Variants in GNG7 observed in about 807,000 individuals in gnomAD.
The protein encoded by GNG7 is G protein subunit gamma 7.
Under a neutral mutation model 4.0 loss-of-function variants are expected in GNG7, and 1 was observed. The observed-to-expected ratio is 0.25, with a 90% CI of 0.09 to 1.18. The LOEUF (loss-of-function observed/expected upper bound fraction) is 1.18. Ranked by LOEUF, GNG7 falls within the 50% of genes most tolerant of loss-of-function variation. The probability of loss-of-function intolerance (pLI) is 0.50; values close to 1 mark genes in which losing one functional copy is unlikely to be tolerated. For missense variants in GNG7, 86 were observed against 91.9 expected (o/e 0.94, Z 0.26); for synonymous variants, 34 against 36.9 (o/e 0.92, Z 0.29).
intron 1 of GNG7, among the ~76,000 whole-genome samples, chr19:2,689,844 C>T (rs185624683): frequency 5.0e-4 from 76 of 152,062 alleles, no homozygotes; most frequent in African/African-American, 1.8e-3. Context: ...CACGCTTTTT[C>T]GGTAAGAGTC....
At chr19:2,526,160 C>A (rs1278850626) in intron 3 of GNG7, among the ~76,000 whole-genome samples, 2 of 151,762 alleles carry the variant, frequency 1.3e-5, no homozygotes, top group African/African-American at 4.8e-5. Flanking sequence ...TTAGTAGATA[C>A]GGGGTTTCAC....
chr19:2,605,308 C>T (rs1981343595), intron 2 of GNG7, among the ~76,000 whole-genome samples: 1 of 152,112 alleles, frequency 6.6e-6, no homozygotes, highest in Admixed American at 6.6e-5. Context: ...AAGTGATTCT[C>T]CTGCCTCAGC....
chr19:2,657,328 C>T (rs559850618), intron 1 of GNG7, among the ~76,000 whole-genome samples: 3 of 78,562 alleles, frequency 3.8e-5, no homozygotes, highest in African/African-American at 5.3e-5. Flanking sequence ...AGCAAGACCC[C>T]GTCTCAATTA....
At chr19:2,636,208 C>T (rs1599433276) in intron 2 of GNG7, among the ~76,000 whole-genome samples, 1 of 152,300 alleles carries the variant, frequency 6.6e-6, no homozygotes, top group African/African-American at 2.4e-5. Flanking sequence ...TCTCTCCCTC[C>T]CACTCAGGGG....
intron 3 of GNG7, among the ~76,000 whole-genome samples, chr19:2,549,711 T>TACCAGGC (rs144175856): frequency 0.1 from 15,587 of 152,008 alleles, 862 homozygotes; most frequent in East Asian, 0.21. Context: ...CCGCTGCAGC[T>TACCAGGC]ACCAGGCACC....
chr19:2,633,487 G>GCGCGCGCACACACACACA lies in GNG7; in HGVS notation c.-78+12736_-78+12737insTGTGTGTGTGTGCGCGCG, dbSNP rs1250581952. Among the ~76,000 whole-genome samples, 1 of 103,776 alleles carries GCGCGCGCACACACACACA rather than the reference G, an allele frequency of 9.6e-6. No individual in the cohort carries two copies. Among genetic ancestry groups the GCGCGCGCACACACACACA allele is most frequent in the African/African-American group, 3.9e-5 (1 of 25,476 alleles). 68.1% of individuals were successfully genotyped at this position (103,776 alleles called of 152,430 possible). ...TAGCAACAGGCGCGCGCGCGCGCGC[G>GCGCGCGCACACACACACA]CACACACACACACACACACACACAC... On this transcript the variant is annotated intron_variant, in intron 2 of 4. Transcript: ENST00000382159. The surrounding 1 kb of genome is among the most constrained non-coding windows in gnomAD (Gnocchi z 5.9).
intron 2 of GNG7, among the ~76,000 whole-genome samples, chr19:2,602,617 G>A (rs574527468): frequency 1.3e-5 from 2 of 152,254 alleles, no homozygotes; most frequent in Non-Finnish European, 2.9e-5. Flanking sequence ...CCCGGAGCAC[G>A]AACCACTACG....
intron 3 of GNG7, among the ~76,000 whole-genome samples, chr19:2,550,713 C>G (rs80195715): frequency 1.3e-5 from 2 of 152,188 alleles, no homozygotes; most frequent in Non-Finnish European, 2.9e-5. Context: ...GGCCAGCCCC[C>G]GGGCCTTGCC....
At chr19:2,661,306 A>AAG in intron 1 of GNG7, among the ~76,000 whole-genome samples, 1 of 132,508 alleles carries the variant, frequency 7.5e-6, no homozygotes, top group African/African-American at 3.0e-5. Flanking sequence ...AAGAAAGAGA[A>AAG]AGAAAGAAAG....
chr19:2,532,268 TA>T (rs1475310881), intron 3 of GNG7, among the ~76,000 whole-genome samples: 1 of 151,540 alleles, frequency 6.6e-6, no homozygotes, highest in Non-Finnish European at 1.5e-5. Context: ...TTCAAAGAGA[TA>T]AAAAGATGAG....
At chr19:2,591,579 T>C (rs1980852777) in intron 2 of GNG7, among the ~76,000 whole-genome samples, 1 of 151,614 alleles carries the variant, frequency 6.6e-6, no homozygotes, top group Admixed American at 6.6e-5. Flanking sequence ...GGGGAAAGTC[T>C]ATCCCAAGGC....
At chr19:2,538,121 G>A (rs1163001414) in intron 3 of GNG7, 3 of 455,256 alleles carry the variant, frequency 6.6e-6, no homozygotes, top group Non-Finnish European at 8.8e-6. Context: ...TGAATGGAGA[G>A]GAGAAAAGCT....
At chr19:2,591,536 T>C (rs998688204) in intron 2 of GNG7, among the ~76,000 whole-genome samples, 2 of 150,586 alleles carry the variant, frequency 1.3e-5, no homozygotes, top group Admixed American at 1.3e-4. Context: ...CCAAACTCCC[T>C]ATTGAGGCTG....
At chr19:2,573,031 T>C (rs1295666595) in intron 2 of GNG7, among the ~76,000 whole-genome samples, 1 of 148,738 alleles carries the variant, frequency 6.7e-6, no homozygotes, top group African/African-American at 2.5e-5. Context: ...TTTTTTTTTT[T>C]TTTTTTTGTT....
rs572837982 is a variant in GNG7, at chr19:2,645,694, C to T, written c.-78+530G>A. ...CCCAGCCTCCAATCACCACGAGTCC[C>T]TTTCTGTCCCTATGGCTTTGCCTTT... On this transcript the variant is annotated intron_variant, in intron 2 of 4. Coordinates refer to ENST00000382159, the MANE Select transcript of GNG7 (RefSeq NM_052847.3). 2.0e-5 allele frequency among the ~76,000 whole-genome samples: 3 copies of T among 152,276 alleles called. No homozygotes were observed. The South Asian group carries it at 6.2e-4, about 32-fold the overall frequency.
intron 2 of GNG7, among the ~76,000 whole-genome samples, chr19:2,601,024 A>C (rs917943936): frequency 2.0e-5 from 3 of 152,128 alleles, no homozygotes; most frequent in African/African-American, 4.8e-5. Flanking sequence ...GCTCCCAGCT[A>C]CTTGGGAGGC....
chr19:2,620,387 C>T (rs1981837789), intron 2 of GNG7, among the ~76,000 whole-genome samples: 1 of 151,996 alleles, frequency 6.6e-6, no homozygotes, highest in African/African-American at 2.4e-5. Flanking sequence ...TGTCCTGATC[C>T]CCCAACCCAC....
intron 1 of GNG7, 61 bp downstream of exon 1, chr19:2,702,585 C>T (rs1215891066): frequency 6.6e-6 from 1 of 151,942 alleles, no homozygotes; most frequent in Non-Finnish European, 1.5e-5. Context: ...TGTCCCAGTC[C>T]CCTCTCCGGG....
intron 3 of GNG7, among the ~76,000 whole-genome samples, chr19:2,522,559 G>A (rs1177196661): frequency 2.6e-5 from 4 of 151,790 alleles, no homozygotes; most frequent in Non-Finnish European, 5.9e-5. Context: ...CGGGTCACAA[G>A]GTCAGGAGAT....
Sources: gnomAD v4.1 joint callset for allele counts (sites outside exome capture counted in the v4.1 genomes callset) on GRCh38, gnomAD v4.1.1 for gene constraint, Gnocchi (gnomAD v3.1) non-coding constraint, MANE v1.5 for transcripts, NCBI Gene and HGNC (gene_info 2026-07-23, HGNC 2026-07-21) for gene names.